The following ATP9B variants were observed in gnomAD, a reference collection of about 807,000 sequenced individuals.
ATP9B encodes the protein probable phospholipid-transporting ATPase IIB.
Under a neutral mutation model 146.1 loss-of-function variants are expected in ATP9B, and 110 were observed. The ratio of observed to expected loss-of-function variants is 0.75; its 90% confidence interval spans 0.65 to 0.88. ATP9B has a LOEUF of 0.88. Ranked by LOEUF, ATP9B falls within the 40% of genes least tolerant of loss-of-function variation. The probability of loss-of-function intolerance (pLI) is 0.00; values close to 1 mark genes in which losing one functional copy is unlikely to be tolerated. For missense variants in ATP9B, 1,499 were observed against 1,496.4 expected, an observed-to-expected ratio of 1.00 and a Z score of -0.03; for synonymous variants, 604 against 569.7, an observed-to-expected ratio of 1.06 and a Z score of -0.86.
chr18:79,174,996 C>T lies in ATP9B; in HGVS notation c.779-1817C>T, dbSNP rs143717705. On this transcript the variant is annotated intron_variant, in intron 7 of 29. Transcript: ENST00000426216. ...TGGGTGGATCATGAGGTCAAGAGATCGAGACCATCCTGGCCAACATGGTGA... is the reference window on the plus strand; with the variant it reads ...TGGGTGGATCATGAGGTCAAGAGATTGAGACCATCCTGGCCAACATGGTGA... Among the ~76,000 whole-genome samples, 157 of 151,944 alleles carry T rather than the reference C, an allele frequency of 1.0e-3. 6 individuals are homozygous for T. In the East Asian group the frequency reaches 0.026, roughly 25 times the overall value.
chr18:79,182,769 A>G (rs1375234588), intron 8 of ATP9B, among the ~76,000 whole-genome samples: 5 of 152,128 alleles, frequency 3.3e-5, no homozygotes, highest in Non-Finnish European at 7.4e-5. Flanking sequence ...AACTAAAACA[A>G]ACAGTTATTT....
chr18:79,334,432 T>C (rs1162287313), intron 17 of ATP9B, among the ~76,000 whole-genome samples: 2 of 152,136 alleles, frequency 1.3e-5, no homozygotes, highest in Non-Finnish European at 2.9e-5. Context: ...ATTACTTTGG[T>C]TTTTTTAATG....
chr18:79,156,833 T>A (rs1264464058), intron 7 of ATP9B, among the ~76,000 whole-genome samples: 1 of 152,208 alleles, frequency 6.6e-6, no homozygotes, highest in South Asian at 2.1e-4. Context: ...GTGGGTAGGC[T>A]GCCTTCATAG....
chr18:79,225,654 G>C (rs1241087942), intron 11 of ATP9B, among the ~76,000 whole-genome samples: 3 of 143,044 alleles, frequency 2.1e-5, no homozygotes, highest in Admixed American at 6.9e-5. Context: ...CGCAGTCGCA[G>C]GGCGGCCACT....
chr18:79,350,085 T>C (rs1486967487), intron 25 of ATP9B, among the ~76,000 whole-genome samples: 3 of 152,160 alleles, frequency 2.0e-5, no homozygotes, highest in Non-Finnish European at 4.4e-5. Flanking sequence ...TGGCGGATTC[T>C]AGGCCCCCCA....
intron 11 of ATP9B, among the ~76,000 whole-genome samples, chr18:79,249,328 T>G (rs1392848988): frequency 6.6e-6 from 1 of 152,212 alleles, no homozygotes; most frequent in Non-Finnish European, 1.5e-5. Flanking sequence ...TCTTAGACAT[T>G]ATGCACAAAT....
At chr18:79,258,392 T>C (rs919927390) in intron 12 of ATP9B, among the ~76,000 whole-genome samples, 7 of 152,094 alleles carry the variant, frequency 4.6e-5, no homozygotes, top group African/African-American at 1.7e-4. Flanking sequence ...ATCACACCAC[T>C]GCACTCCAGC....
At chr18:79,241,188 G>A (rs1219962728) in intron 11 of ATP9B, among the ~76,000 whole-genome samples, 2 of 152,136 alleles carry the variant, frequency 1.3e-5, no homozygotes, top group East Asian at 1.9e-4. Flanking sequence ...AATCAGTTAT[G>A]CATTGATTTT....
intron 8 of ATP9B, among the ~76,000 whole-genome samples, chr18:79,182,219 GA>G (rs1261011519): frequency 6.6e-6 from 1 of 152,146 alleles, no homozygotes; most frequent in African/African-American, 2.4e-5. Flanking sequence ...AGGTGCCTCT[GA>G]ACTCTGGCTA....
chr18:79,273,972 A>G (rs1487032790), intron 12 of ATP9B, among the ~76,000 whole-genome samples: 1 of 152,234 alleles, frequency 6.6e-6, no homozygotes, highest in Non-Finnish European at 1.5e-5. Context: ...CATATTGCAT[A>G]AAAGTCATGA....
At chr18:79,301,838 T>G (rs1418718174) in intron 13 of ATP9B, among the ~76,000 whole-genome samples, 1 of 152,208 alleles carries the variant, frequency 6.6e-6, no homozygotes, top group Non-Finnish European at 1.5e-5. Context: ...TTTATTATAT[T>G]CACTCTTCTA....
chr18:79,092,095 C>G (rs1275826578), intron 1 of ATP9B, among the ~76,000 whole-genome samples: 1 of 152,094 alleles, frequency 6.6e-6, no homozygotes, highest in African/African-American at 2.4e-5. Context: ...TATATATAGT[C>G]ATGTGTTGTT....
intron 9 of ATP9B, among the ~76,000 whole-genome samples, chr18:79,195,212 G>A (rs993150370): frequency 1.3e-5 from 2 of 152,064 alleles, no homozygotes; most frequent in African/African-American, 4.8e-5. Flanking sequence ...CCTTGGAATA[G>A]GATTTCCTAT....
chr18:79,247,141 T>G (rs1304761663), intron 11 of ATP9B, among the ~76,000 whole-genome samples: 1 of 152,250 alleles, frequency 6.6e-6, no homozygotes, highest in Non-Finnish European at 1.5e-5. Context: ...ACTACTTACC[T>G]TCCAGCCACT....
chr18:79,337,811 G>T (rs1319223251), intron 19 of ATP9B, among the ~76,000 whole-genome samples: 1 of 152,186 alleles, frequency 6.6e-6, no homozygotes, highest in Non-Finnish European at 1.5e-5. Flanking sequence ...CGTCACCCTG[G>T]CCACCGCCGG....
At chr18:79,220,393 G>C (rs993042685) in intron 11 of ATP9B, among the ~76,000 whole-genome samples, 17 of 152,142 alleles carry the variant, frequency 1.1e-4, no homozygotes, top group African/African-American at 4.1e-4. Flanking sequence ...TTGAGCCCAG[G>C]AGTTCGAGAC....
chr18:79,116,896 C>T (rs1312666716), intron 4 of ATP9B, among the ~76,000 whole-genome samples: 1 of 86,156 alleles, frequency 1.2e-5, no homozygotes, highest in African/African-American at 5.0e-5. Context: ...ACAATGTGCA[C>T]ATGTACCCTA....
Position 79,356,136 on chromosome 18 carries a change from C to T in ATP9B, c.2904-3218C>T, listed in dbSNP as rs751434872. Among the ~76,000 whole-genome samples the T allele has an allele frequency of 2.4e-4, 37 of 152,288 alleles. No individual in the cohort carries two copies. In the Middle Eastern group the frequency reaches 0.01, roughly 42 times the overall value. ...GGGGACGCACAGACCACAAGCAAGC[C>T]GGTGAAATGATGAGCGCATCGTCAG... On this transcript the variant is annotated intron_variant, in intron 25 of 29. Coordinates refer to ENST00000426216, the MANE Select transcript of ATP9B (RefSeq NM_198531.5).
chr18:79,113,922 G>T (rs1309022603), intron 4 of ATP9B, among the ~76,000 whole-genome samples: 1 of 152,142 alleles, frequency 6.6e-6, no homozygotes, highest in Non-Finnish European at 1.5e-5. Context: ...GTAGAGACAA[G>T]ATGTACATCG....
Sources: allele counts gnomAD v4.1 joint callset (sites outside exome capture counted in the v4.1 genomes callset), GRCh38; gene constraint gnomAD v4.1.1; transcripts MANE v1.5; gene names NCBI Gene and HGNC (gene_info 2026-07-23, HGNC 2026-07-21).